Variants in TEX48 observed in about 807,000 individuals in gnomAD.
TEX48 encodes testis-expressed protein 48.
A neutral mutation model predicts 13.2 loss-of-function variants in TEX48; 10 were observed. The observed-to-expected ratio is 0.75, with a 90% CI of 0.47 to 1.28. The LOEUF (loss-of-function observed/expected upper bound fraction) is 1.28, where lower values mean the gene tolerates loss of function less well. TEX48 is among the 50% of genes most tolerant of loss of function. The pLI is 0.00. For missense variants in TEX48, 116 were observed against 139.4 expected, an observed-to-expected ratio of 0.83 and a Z score of 0.84; for synonymous variants, 45 against 52.3, an observed-to-expected ratio of 0.86 and a Z score of 0.60.
intron 3 of TEX48, among the ~76,000 whole-genome samples, chr9:114,671,083 G>C (rs542659399): frequency 6.6e-6 from 1 of 152,156 alleles, no homozygotes; most frequent in African/African-American, 2.4e-5. Context: ...TTTACCTGGA[G>C]ATCCTGTTAA....
intron 4 of TEX48, among the ~76,000 whole-genome samples, chr9:114,667,895 G>C (rs908473339): frequency 2.1e-5 from 2 of 93,554 alleles, no homozygotes; most frequent in Non-Finnish European, 3.7e-5. Flanking sequence ...AACAGAGGGA[G>C]ACTCCATCTC....
At chr9:114,671,575 C>T (rs1827948295) in intron 2 of TEX48, 70 bp from the exon 3 acceptor site, 1 of 1,530,930 alleles carries the variant, frequency 6.5e-7, no homozygotes, top group African/African-American at 1.4e-5. Context: ...TGGAAATTGA[C>T]TGTGGTGGGG....
rs78807795 is a variant in TEX48, at chr9:114,670,573, G to T, written c.127+810C>A. Reference sequence around the variant, plus strand: ...TCTCTTTTCATGGATCTTCAAGAAGGTTTTGATTACAAACTGAAGGCCAGG... The same window carrying T: ...TCTCTTTTCATGGATCTTCAAGAAGTTTTTGATTACAAACTGAAGGCCAGG... On this transcript the variant is annotated intron_variant, in intron 3 of 4. Coordinates refer to ENST00000436752, the MANE Select transcript of TEX48 (RefSeq NM_001199233.2). 8.8e-3 allele frequency among the ~76,000 whole-genome samples: 1,339 copies of T among 151,882 alleles called. 20 individuals carry two copies. Among genetic ancestry groups the T allele is most frequent in the African/African-American group, 0.03 (1,239 of 41,404 alleles).
chr9:114,674,636 TC>T lies in TEX48; in HGVS notation c.-104-2810del, dbSNP rs1460306544. ...TTCCTTCCTTCCTTCCTTCCTTCCT[TC>T]CTTCCTTCCTTCCTTCCTTCCTTCC... On this transcript the variant is annotated intron_variant, in intron 1 of 4. Coordinates refer to ENST00000436752, the MANE Select transcript of TEX48 (RefSeq NM_001199233.2). Among the ~76,000 whole-genome samples the T allele has an allele frequency of 5.3e-4, 72 of 135,246 alleles. 2 individuals carry two copies. The highest frequency in any genetic ancestry group is 8.8e-4 in the African/African-American group (31 of 35,066). 88.7% of individuals were successfully genotyped at this position (135,246 alleles called of 152,430 possible).
At chr9:114,667,366 T>C (rs1290193702) in intron 4 of TEX48, among the ~76,000 whole-genome samples, 2 of 152,202 alleles carry the variant, frequency 1.3e-5, no homozygotes, top group African/African-American at 4.8e-5. Context: ...GCATTTCTTC[T>C]TCCTGGGCTG....
chr9:114,673,001 A>G (rs1203644659), intron 1 of TEX48, among the ~76,000 whole-genome samples: 1 of 152,200 alleles, frequency 6.6e-6, no homozygotes, highest in Non-Finnish European at 1.5e-5. Flanking sequence ...TTTTAAAAGG[A>G]TGAAGAGTAC....
At chr9:114,670,107 G>A (rs1453102993) in intron 3 of TEX48, among the ~76,000 whole-genome samples, 1 of 152,096 alleles carries the variant, frequency 6.6e-6, no homozygotes, top group Non-Finnish European at 1.5e-5. Context: ...GAATACTAAT[G>A]TCTGCTTCTT....
chr9:114,671,830 A>G lies in TEX48; in HGVS notation c.-104-3T>C. 1 of 1,233,106 alleles carries G rather than the reference A, an allele frequency of 8.1e-7. No homozygotes were observed. The highest frequency in any genetic ancestry group is 1.1e-6 in the Non-Finnish European group (1 of 872,108). 76.4% of individuals were successfully genotyped at this position (1,233,106 alleles called of 1,614,324 possible). On this transcript the variant is annotated splice_region_variant and splice_polypyrimidine_tract_variant and intron_variant, in intron 1 of 4. Transcript: ENST00000436752. ...AGTTCACTGGGCTGGGCTGTTTCCT[A>G]AGTAAACATAAGACCGTGGCTGAAA...
intron 1 of TEX48, among the ~76,000 whole-genome samples, chr9:114,673,486 A>AAAG (rs1344546355): frequency 2.9e-5 from 4 of 135,708 alleles, no homozygotes; most frequent in Admixed American, 7.8e-5. Context: ...AAAAAAAAAG[A>AAAG]AAAGAAAAGA....
chr9:114,676,033 C>T (rs1359341676), intron 1 of TEX48, among the ~76,000 whole-genome samples: 1 of 152,234 alleles, frequency 6.6e-6, no homozygotes, highest in East Asian at 1.9e-4. Flanking sequence ...CTGTACACAG[C>T]CTGTTATTGT....
chr9:114,675,927 A>G (rs1828053308), intron 1 of TEX48, among the ~76,000 whole-genome samples: 1 of 152,234 alleles, frequency 6.6e-6, no homozygotes, highest in Non-Finnish European at 1.5e-5. Flanking sequence ...ATCAAACTCC[A>G]GGATTCAGCT....
At chr9:114,676,621 T>A (rs987933004) in intron 1 of TEX48, among the ~76,000 whole-genome samples, 1 of 22,300 alleles carries the variant, frequency 4.5e-5, no homozygotes, top group Non-Finnish European at 8.1e-5. Context: ...TTTTATTCAC[T>A]TTTTTTTTTT....
intron 3 of TEX48, among the ~76,000 whole-genome samples, chr9:114,669,562 C>T (rs1483476438): frequency 2.0e-5 from 3 of 152,170 alleles, no homozygotes; most frequent in Admixed American, 1.3e-4. Flanking sequence ...CTGCCTCAGC[C>T]TCCTGAATAG....
chr9:114,674,983 ACT>A (rs1477322706), intron 1 of TEX48, among the ~76,000 whole-genome samples: 1 of 150,906 alleles, frequency 6.6e-6, no homozygotes, highest in African/African-American at 2.4e-5. Context: ...ATTTCCTAAC[ACT>A]CTACATAATT....
In TEX48 at chr9:114,666,558, T is replaced by G; in HGVS notation, c.*85A>C. The G allele has an allele frequency of 2.7e-6, 2 of 735,378 alleles. No homozygotes were observed. The highest frequency in any genetic ancestry group is 4.3e-6 in the Non-Finnish European group (2 of 462,410). 45.6% of individuals were successfully genotyped at this position (735,378 alleles called of 1,614,324 possible). ...TGTCTTCTCCTCCTTCAGGGGAGTTTCCGAATTAGTCTTCATGACTCCTGT... is the reference window on the plus strand; with the variant it reads ...TGTCTTCTCCTCCTTCAGGGGAGTTGCCGAATTAGTCTTCATGACTCCTGT... On this transcript the variant is annotated 3_prime_UTR_variant, in exon 5 of 5. Transcript: ENST00000436752.
At chr9:114,668,886 G>T (rs1827890895) in intron 3 of TEX48, among the ~76,000 whole-genome samples, 1 of 152,116 alleles carries the variant, frequency 6.6e-6, no homozygotes, top group Admixed American at 6.6e-5. Flanking sequence ...GCCCAGGCTG[G>T]AGTGCAATGG....
intron 1 of TEX48, among the ~76,000 whole-genome samples, chr9:114,679,682 G>A (rs754966873): frequency 7.2e-5 from 11 of 152,146 alleles, no homozygotes; most frequent in Non-Finnish European, 1.0e-4. Flanking sequence ...CAGCACCCAC[G>A]GTGGACTATG....
At chr9:114,671,530 G>A in intron 2 of TEX48, 25 bp from the exon 3 acceptor site, 1 of 1,474,550 alleles carries the variant, frequency 6.8e-7, no homozygotes, top group Non-Finnish European at 8.9e-7. Context: ...GGAATGAGGG[G>A]CATGGGTTCC....
intron 1 of TEX48, among the ~76,000 whole-genome samples, chr9:114,676,410 A>G (rs938071407): frequency 6.6e-6 from 1 of 151,484 alleles, no homozygotes; most frequent in African/African-American, 2.4e-5. Context: ...AGCTCAAGAG[A>G]TCTCCTGCCT....
Sources: gnomAD v4.1 joint callset for allele counts (sites outside exome capture counted in the v4.1 genomes callset) on GRCh38, gnomAD v4.1.1 for gene constraint, MANE v1.5 for transcripts, NCBI Gene and HGNC (gene_info 2026-07-23, HGNC 2026-07-21) for gene names.